Variants in CAP2 observed in about 807,000 individuals in gnomAD.
CAP2 encodes the protein adenylyl cyclase-associated protein 2.
In CAP2, 24 loss-of-function variants were observed where a neutral mutation model predicts 57.7. The observed-to-expected ratio is 0.42, with a 90% CI of 0.30 to 0.58. The LOEUF is 0.58. Among genes scored for constraint, CAP2 ranks in the 20% least tolerant of loss-of-function variants. The pLI is 0.22. For synonymous variants in CAP2, 194 were observed against 207.2 expected (o/e 0.94, Z 0.55); for missense variants, 501 against 590.3 (o/e 0.85, Z 1.57).
At chr6:17,509,270 A>G (rs1317458385) in intron 6 of CAP2, among the ~76,000 whole-genome samples, 2 of 152,126 alleles carry the variant, frequency 1.3e-5, no homozygotes, top group Non-Finnish European at 2.9e-5. Flanking sequence ...AAAAATATTG[A>G]GTAGATACAA....
intron 4 of CAP2, among the ~76,000 whole-genome samples, chr6:17,495,437 C>CA (rs1200109396): frequency 6.6e-6 from 1 of 152,172 alleles, no homozygotes; most frequent in Non-Finnish European, 1.5e-5. Flanking sequence ...AGTCAAAAAT[C>CA]AAAGAATGGT....
intron 7 of CAP2, chr6:17,536,205 A>G (rs1457401587): frequency 2.2e-6 from 1 of 456,702 alleles, no homozygotes; most frequent in Non-Finnish European, 4.4e-6. Context: ...GAATATAGAA[A>G]GTTCTCCTGT....
At chr6:17,527,802 C>T (rs1456787588) in intron 7 of CAP2, among the ~76,000 whole-genome samples, 3 of 151,992 alleles carry the variant, frequency 2.0e-5, no homozygotes, top group Non-Finnish European at 2.9e-5. Context: ...ACCATGTTGG[C>T]CTGTTGGCCA....
At chr6:17,521,078 T>C (rs570264577) in intron 7 of CAP2, among the ~76,000 whole-genome samples, 6 of 152,312 alleles carry the variant, frequency 3.9e-5, no homozygotes, top group African/African-American at 1.2e-4. Flanking sequence ...GTTACTCTTA[T>C]TCTCTTATGG....
At chr6:17,550,163 G>A (rs1411757164) in intron 11 of CAP2, among the ~76,000 whole-genome samples, 3 of 152,030 alleles carry the variant, frequency 2.0e-5, no homozygotes, top group South Asian at 4.1e-4. Context: ...GAGGTCAGGA[G>A]TTCGAGACAG....
intron 1 of CAP2, among the ~76,000 whole-genome samples, chr6:17,408,778 A>G (rs1482171823): frequency 6.8e-6 from 1 of 147,854 alleles, no homozygotes; most frequent in Non-Finnish European, 1.5e-5. Flanking sequence ...CTCCTGCCTC[A>G]GCCTCCCGAG....
chr6:17,526,506 C>T (rs974478709), intron 7 of CAP2, among the ~76,000 whole-genome samples: 4 of 152,226 alleles, frequency 2.6e-5, no homozygotes, highest in African/African-American at 9.6e-5. Flanking sequence ...CACACCTCCT[C>T]TGCTCCTGTC....
chr6:17,413,373 A>G (rs757150902), intron 1 of CAP2, among the ~76,000 whole-genome samples: 3 of 152,168 alleles, frequency 2.0e-5, no homozygotes, highest in Non-Finnish European at 4.4e-5. Context: ...GAAATGCTCT[A>G]TAGGAGAGTA....
chr6:17,496,419 C>T (rs1433628489), intron 4 of CAP2, among the ~76,000 whole-genome samples: 1 of 152,274 alleles, frequency 6.6e-6, no homozygotes, highest in Non-Finnish European at 1.5e-5. Context: ...CCAGGAAGCA[C>T]GGCTCATGTT....
intron 1 of CAP2, among the ~76,000 whole-genome samples, chr6:17,402,923 AGT>A (rs1233487140): frequency 2.4e-4 from 36 of 152,194 alleles, no homozygotes; most frequent in African/African-American, 8.4e-4. Context: ...AATTAAAATA[AGT>A]TTTGATATTT....
At chr6:17,541,524 G>A (rs781360110) in intron 9 of CAP2, among the ~76,000 whole-genome samples, 2 of 151,912 alleles carry the variant, frequency 1.3e-5, no homozygotes, top group South Asian at 2.1e-4. Context: ...AGGTTGCAGC[G>A]AGCCGAGATC....
chr6:17,414,988 C>G (rs747502932), intron 1 of CAP2, among the ~76,000 whole-genome samples: 2 of 152,170 alleles, frequency 1.3e-5, no homozygotes, highest in Non-Finnish European at 2.9e-5. Context: ...TTTTGATTAG[C>G]TTTTCTCTGA....
intron 4 of CAP2, among the ~76,000 whole-genome samples, chr6:17,501,691 C>T (rs1761825348): frequency 6.6e-6 from 1 of 152,180 alleles, no homozygotes; most frequent in Admixed American, 6.5e-5. Flanking sequence ...GCTGATAAAA[C>T]TCATCTTACT....
chr6:17,413,786 G>C (rs1759201814), intron 1 of CAP2, among the ~76,000 whole-genome samples: 1 of 152,196 alleles, frequency 6.6e-6, no homozygotes, highest in Admixed American at 6.5e-5. Context: ...AGACGCAGTG[G>C]CTCACGTCTG....
chr6:17,412,820 G>A (rs1473335699), intron 1 of CAP2, among the ~76,000 whole-genome samples: 1 of 152,182 alleles, frequency 6.6e-6, no homozygotes, highest in Non-Finnish European at 1.5e-5. Flanking sequence ...CAAATGGGAT[G>A]GCGAGGAAAT....
intron 3 of CAP2, among the ~76,000 whole-genome samples, chr6:17,451,909 A>G (rs1760415484): frequency 6.6e-6 from 1 of 152,376 alleles, no homozygotes; most frequent in African/African-American, 2.4e-5. Context: ...AATGTTTGAC[A>G]TAGGAAAAAT....
chr6:17,445,291 G>C (rs1760225389), intron 3 of CAP2, among the ~76,000 whole-genome samples: 1 of 152,212 alleles, frequency 6.6e-6, no homozygotes, highest in Admixed American at 6.5e-5. Flanking sequence ...ATTTTTAGTA[G>C]AGAGGGGGTT....
At chr6:17,409,940 C>T (rs1246358439) in intron 1 of CAP2, among the ~76,000 whole-genome samples, 15 of 152,198 alleles carry the variant, frequency 9.9e-5, no homozygotes, top group Admixed American at 2.6e-4. Flanking sequence ...CTGACTACCA[C>T]CCCTTCTAAC....
At chr6:17,404,374 G>A (rs1219254702) in intron 1 of CAP2, among the ~76,000 whole-genome samples, 1 of 152,210 alleles carries the variant, frequency 6.6e-6, no homozygotes, top group Admixed American at 6.5e-5. Context: ...GGGAGGCCAA[G>A]GCGGGCAGAT....
Sources: gnomAD v4.1 joint callset for allele counts (sites outside exome capture counted in the v4.1 genomes callset) on GRCh38, gnomAD v4.1.1 for gene constraint, MANE v1.5 for transcripts, NCBI Gene and HGNC (gene_info 2026-07-23, HGNC 2026-07-21) for gene names.